The following FBLN5 variants were observed in gnomAD, a reference collection of about 807,000 sequenced individuals.
The protein encoded by FBLN5 is fibulin-5.
A neutral mutation model predicts 61.6 loss-of-function variants in FBLN5; 24 were observed. The observed-to-expected ratio is 0.39, with a 90% confidence interval of 0.28 to 0.55. The LOEUF is 0.55. FBLN5 is among the 20% of genes least tolerant of loss of function. The pLI is 0.65. For missense variants in FBLN5, 470 were observed against 594.1 expected (o/e 0.79, Z 2.17); for synonymous variants, 213 against 219.8 (o/e 0.97, Z 0.27).
intron 4 of FBLN5, among the ~76,000 whole-genome samples, chr14:91,902,208 A>C (rs1056314078): frequency 1.3e-5 from 2 of 152,096 alleles, no homozygotes; most frequent in Non-Finnish European, 2.9e-5. Context: ...TCATGCATCA[A>C]GATGTCCTGA....
In FBLN5 at chr14:91,881,280, G is replaced by C. The variant is rs112013654; in HGVS notation, c.989+12C>G. On this transcript the variant is annotated intron_variant, in intron 9 of 10. Transcript: ENST00000342058. ...TCAGGTTTCTATTCCCCAGGGGGAC[G>C]CCGTGACTTACTTATCACTGATCCT... is the stretch of plus-strand genomic sequence containing the variant. 5.6e-6 allele frequency: 9 copies of C among 1,613,662 alleles called. No homozygotes were observed. Among genetic ancestry groups the C allele is most frequent in the African/African-American group, 1.3e-5 (1 of 74,886 alleles).
intron 2 of FBLN5, chr14:91,942,102 C>G (rs1031987189): frequency 2.2e-6 from 1 of 455,826 alleles, no homozygotes; most frequent in Admixed American, 2.4e-5. Context: ...GCCAGAGACA[C>G]AGAGAGGCCA....
intron 4 of FBLN5, among the ~76,000 whole-genome samples, chr14:91,916,434 G>A (rs888206136): frequency 5.3e-5 from 8 of 152,204 alleles, no homozygotes; most frequent in African/African-American, 1.2e-4. Flanking sequence ...GTGACAGAGC[G>A]AGATTCTGTC....
Position 91,929,222 on chromosome 14 carries a change from T to G in FBLN5, c.379+7725A>C, listed in dbSNP as rs79114501. Reference sequence around the variant, plus strand: ...ATGATTTTGAAGGTTTCAAAACATTTCAAAATACTTCCAAGTATTTCAAAA... The same window carrying G: ...ATGATTTTGAAGGTTTCAAAACATTGCAAAATACTTCCAAGTATTTCAAAA... On this transcript the variant is annotated intron_variant, in intron 4 of 10. Transcript: ENST00000342058. 1.9e-3 allele frequency among the ~76,000 whole-genome samples: 290 copies of G among 152,208 alleles called. 1 individual carries two copies. The East Asian group carries it at 0.024, about 13-fold the overall frequency.
intron 4 of FBLN5, among the ~76,000 whole-genome samples, chr14:91,904,900 T>G (rs1300907097): frequency 6.6e-6 from 1 of 152,188 alleles, no homozygotes; most frequent in Non-Finnish European, 1.5e-5. Flanking sequence ...TGGGACAGCT[T>G]GACATCCCAG....
intron 4 of FBLN5, among the ~76,000 whole-genome samples, chr14:91,914,276 G>A (rs1891084844): frequency 6.6e-6 from 1 of 152,028 alleles, no homozygotes; most frequent in African/African-American, 2.4e-5. Context: ...AGGAGATCGA[G>A]ACCATCCTGG....
At chr14:91,942,983 T>C in intron 1 of FBLN5, 22 bp from the exon 2 acceptor site, 4 of 1,515,048 alleles carry the variant, frequency 2.6e-6, no homozygotes, top group Non-Finnish European at 3.6e-6. Flanking sequence ...AAAAGTCAAA[T>C]ATAAATGCCC....
rs553514627 is a variant in FBLN5 at position 91,882,630 on chromosome 14, C to A, written c.862+324G>T. On this transcript the variant is annotated intron_variant, in intron 8 of 10. Coordinates refer to ENST00000342058, the MANE Select transcript of FBLN5 (RefSeq NM_006329.4). The surrounding 1 kb of genome is among the most constrained non-coding windows in gnomAD (Gnocchi z 4.9). Reference sequence around the variant, plus strand: ...ATAAAAGTCCTGCTTAGCTCTGGAGCAGTTCTCAGAGGAGCCTCAGAGATC... The same window carrying A: ...ATAAAAGTCCTGCTTAGCTCTGGAGAAGTTCTCAGAGGAGCCTCAGAGATC... Among the ~76,000 whole-genome samples, 398 of 152,348 alleles carry A rather than the reference C, an allele frequency of 2.6e-3. 1 individual carries two copies. The highest frequency in any genetic ancestry group is 3.6e-3 in the Non-Finnish European group (248 of 68,036).
rs1213240261 is a variant in FBLN5, at chr14:91,946,905, T to C, written c.17+308A>G. 22 of 1,462,918 alleles carry C rather than the reference T, an allele frequency of 1.5e-5. No homozygotes were observed. The East Asian group carries it at 5.2e-4, about 35-fold the overall frequency. 90.6% of individuals were successfully genotyped at this position (1,462,918 alleles called of 1,614,324 possible). The stretch of plus-strand genomic sequence containing the variant: ...TTTAAAAAATACATACAAAAATCCC[T>C]TAAAACGACAAAGTTGCTGCCCTTT... On this transcript the variant is annotated intron_variant, in intron 1 of 10. Transcript: ENST00000342058.
Position 91,947,505 on chromosome 14 carries a change from T to G in FBLN5, c.-276A>C. 1 of 586,672 alleles carries G rather than the reference T, an allele frequency of 1.7e-6. No homozygotes were observed. The highest frequency in any genetic ancestry group is 3.0e-6 in the Non-Finnish European group (1 of 329,670). 36.3% of individuals were successfully genotyped at this position (586,672 alleles called of 1,614,324 possible). A position where few individuals can be genotyped will look rare whatever the true frequency, so the allele number is the denominator to read the frequency against. ...AGGAGGAATGTTAAAAATGAACACT[T>G]CATTTTCTAAGTATGTTAAACAATG... On this transcript the variant is annotated 5_prime_UTR_variant, in exon 1 of 11. Transcript: ENST00000342058. This position sits in a 1 kb window ranked among gnomAD's most constrained non-coding sequence, Gnocchi z 4.3.
chr14:91,919,930 C>T (rs1319787354), intron 4 of FBLN5, among the ~76,000 whole-genome samples: 2 of 152,146 alleles, frequency 1.3e-5, no homozygotes, highest in Non-Finnish European at 2.9e-5. Flanking sequence ...GTGGGCTTTC[C>T]CCCTGGCCCT....
chr14:91,872,141 A>G lies in FBLN5; in HGVS notation c.1186-1756T>C, dbSNP rs77355337. Among the ~76,000 whole-genome samples the G allele has an allele frequency of 6.8e-4, 104 of 152,312 alleles. No homozygotes were observed. In the East Asian group the frequency reaches 0.018, roughly 27 times the overall value. On this transcript the variant is annotated intron_variant, in intron 10 of 10. Coordinates refer to ENST00000342058, the MANE Select transcript of FBLN5 (RefSeq NM_006329.4). ...GTATGACTCATTACTTCCCCGTTTT[A>G]TAAGTAAGCAAACTGAGGTCCCATG... is the stretch of plus-strand genomic sequence containing the variant.
intron 4 of FBLN5, among the ~76,000 whole-genome samples, chr14:91,916,184 G>A (rs139098082): frequency 0.012 from 1,791 of 152,204 alleles, 41 homozygotes; most frequent in African/African-American, 0.041. Context: ...GGTGGCTCAC[G>A]CCTGTAATCA....
intron 4 of FBLN5, among the ~76,000 whole-genome samples, chr14:91,919,518 C>T (rs1336361251): frequency 1.3e-5 from 2 of 152,010 alleles, no homozygotes; most frequent in Non-Finnish European, 1.5e-5. Flanking sequence ...TCGTGTCCCT[C>T]CAAAATTCAT....
chr14:91,898,211 C>G (rs981194620), intron 4 of FBLN5, among the ~76,000 whole-genome samples: 1 of 150,372 alleles, frequency 6.7e-6, no homozygotes, highest in African/African-American at 2.4e-5. Context: ...TTTTTTTTGG[C>G]GGGGGGGGCG....
In FBLN5 at chr14:91,894,996, G is replaced by C; in HGVS notation, c.456C>G (p.Thr152=). ...GCCAATATCCGTCGGTGCAGGAGCA[G>C]GTGTACCCGCCTTCAGTATTGATGC... ...QICINTEGGY[T]CSCTDGYWLL... is the part of the protein sequence containing the mutation. The change falls in exon 5 of 11, where the codon ACC becomes ACG. Residue 152 remains threonine (T), a synonymous_variant. Transcript: ENST00000342058. The C allele has an allele frequency of 6.2e-7, 1 of 1,614,184 alleles. No homozygotes were observed. Among genetic ancestry groups the C allele is most frequent in the Non-Finnish European group, 8.5e-7 (1 of 1,180,018 alleles).
intron 2 of FBLN5, among the ~76,000 whole-genome samples, chr14:91,941,747 C>CT (rs1327593889): frequency 2.0e-5 from 3 of 149,682 alleles, no homozygotes; most frequent in African/African-American, 7.4e-5. Context: ...CTCTGCGTAA[C>CT]TTTTCTATGC....
Position 91,947,128 on chromosome 14 carries a change from G to T in FBLN5, c.17+85C>A. The T allele has an allele frequency of 6.3e-7, 1 of 1,592,222 alleles. No homozygotes were observed. Among genetic ancestry groups the T allele is most frequent in the Non-Finnish European group, 8.6e-7 (1 of 1,162,074 alleles). On this transcript the variant is annotated intron_variant, in intron 1 of 10. Transcript: ENST00000342058. The surrounding 1 kb of genome is among the most constrained non-coding windows in gnomAD (Gnocchi z 4.3). ...CCAATATCCTGACACCGCCTGAATC[G>T]CAGCCATAACCATTTTCCACCCATC...
intron 4 of FBLN5, among the ~76,000 whole-genome samples, chr14:91,902,637 A>C (rs548653525): frequency 6.6e-6 from 1 of 152,158 alleles, no homozygotes; most frequent in African/African-American, 2.4e-5. Context: ...TAAAATGTAG[A>C]TTCTAATTCA....
Sources: allele counts gnomAD v4.1 joint callset (sites outside exome capture counted in the v4.1 genomes callset), GRCh38; gene constraint gnomAD v4.1.1; non-coding constraint Gnocchi (gnomAD v3.1); transcripts MANE v1.5; gene names NCBI Gene and HGNC (gene_info 2026-07-23, HGNC 2026-07-21).